Variants in ASCC3 observed in about 807,000 individuals in gnomAD.
The protein encoded by ASCC3 is activating signal cointegrator 1 complex subunit 3, also known as ASC-1 complex subunit P200.
Under a neutral mutation model 256.3 loss-of-function variants are expected in ASCC3, and 158 were observed. The ratio of observed to expected loss-of-function variants is 0.62; its 90% confidence interval spans 0.54 to 0.70. ASCC3 has a LOEUF of 0.70. ASCC3 is among the 30% of genes least tolerant of loss of function. ASCC3 has a pLI of 0.00. For missense variants in ASCC3, 2,259 were observed against 2,626.0 expected (o/e 0.86, Z 3.05); for synonymous variants, 948 against 883.4 (o/e 1.07, Z -1.30).
intron 4 of ASCC3, among the ~76,000 whole-genome samples, chr6:100,845,198 T>G (rs1772329720): frequency 6.6e-6 from 1 of 152,144 alleles, no homozygotes; most frequent in Non-Finnish European, 1.5e-5. Context: ...GGATCCACTG[T>G]CTACTCTGTA....
chr6:100,699,021 T>C (rs551101339), intron 13 of ASCC3, among the ~76,000 whole-genome samples: 51 of 152,262 alleles, frequency 3.3e-4, no homozygotes, highest in African/African-American at 9.4e-4. Context: ...TTGATCAACA[T>C]TGGACAACAT....
intron 8 of ASCC3, among the ~76,000 whole-genome samples, chr6:100,795,234 G>A (rs1769551130): frequency 6.6e-6 from 1 of 151,978 alleles, no homozygotes; most frequent in African/African-American, 2.4e-5. Flanking sequence ...TATAGTATGG[G>A]GAAACGGTCA....
At chr6:100,540,432 AATT>A (rs1347395610) in intron 36 of ASCC3, 45 bp from the exon 37 acceptor site, 2 of 1,467,524 alleles carry the variant, frequency 1.4e-6, no homozygotes. Flanking sequence ...AAAGTATAAT[AATT>A]AATGTACTTC....
chr6:100,614,501 G>C (rs1223769458), intron 30 of ASCC3, among the ~76,000 whole-genome samples: 4 of 152,108 alleles, frequency 2.6e-5, no homozygotes, highest in African/African-American at 9.7e-5. Context: ...ACATTCCTAT[G>C]AGGATGGGTT....
chr6:100,731,221 G>A (rs1028509601), intron 10 of ASCC3, among the ~76,000 whole-genome samples: 2 of 152,114 alleles, frequency 1.3e-5, no homozygotes, highest in Non-Finnish European at 2.9e-5. Flanking sequence ...AATTGAACAT[G>A]TAAAAAAATA....
chr6:100,629,805 T>C (rs1415192095), intron 26 of ASCC3, among the ~76,000 whole-genome samples: 2 of 152,144 alleles, frequency 1.3e-5, no homozygotes, highest in South Asian at 2.1e-4. Flanking sequence ...GAAAAACCTA[T>C]GTAGATCTAG....
intron 1 of ASCC3, among the ~76,000 whole-genome samples, chr6:100,872,075 A>G (rs988742136): frequency 6.6e-6 from 1 of 152,228 alleles, no homozygotes; most frequent in Non-Finnish European, 1.5e-5. Flanking sequence ...ATAGTAAACT[A>G]AACATACTCT....
In ASCC3 at chr6:100,842,683, AT is replaced by A. The variant is rs1210506987; in HGVS notation, c.801+5464del. 2.0e-5 allele frequency among the ~76,000 whole-genome samples: 3 copies of A among 152,212 alleles called. No homozygotes were observed. The East Asian group carries it at 5.8e-4, about 29-fold the overall frequency. On this transcript the variant is annotated intron_variant, in intron 4 of 41. Transcript: ENST00000369162. ...AGATTTAGTATTATTATTTTAAATG[AT>A]TTGGGGCTGGGTGCAGTGGCTCATG... is the stretch of plus-strand genomic sequence containing the variant.
chr6:100,726,987 T>A lies in ASCC3; in HGVS notation c.1738-1284A>T, dbSNP rs182007953. On this transcript the variant is annotated intron_variant, in intron 10 of 41. Coordinates refer to ENST00000369162, the MANE Select transcript of ASCC3 (RefSeq NM_006828.4). ...CCACGATTATGCCAAACATTTGGTG[T>A]ATTTAATTTTTAAATGCTCATTAAT... Among the ~76,000 whole-genome samples the A allele has an allele frequency of 1.5e-4, 23 of 152,248 alleles. No homozygotes were observed. In the East Asian group the frequency reaches 2.5e-3, roughly 17 times the overall value.
rs143177702 is a variant in ASCC3 at position 100,814,097 on chromosome 6, A to G, written c.802-8217T>C. On this transcript the variant is annotated intron_variant, in intron 4 of 41. Transcript: ENST00000369162. ...GGATTTGTCATAGATGGCTCTTACTATTTTGAGGTATGTTCCTTCAATACC... is the reference window on the plus strand; with the variant it reads ...GGATTTGTCATAGATGGCTCTTACTGTTTTGAGGTATGTTCCTTCAATACC... Among the ~76,000 whole-genome samples, 282 of 152,180 alleles carry G rather than the reference A, an allele frequency of 1.9e-3. 1 individual carries two copies. Among genetic ancestry groups the G allele is most frequent in the African/African-American group, 6.5e-3 (271 of 41,532 alleles).
intron 10 of ASCC3, among the ~76,000 whole-genome samples, chr6:100,732,004 T>A (rs576586763): frequency 6.6e-6 from 1 of 151,754 alleles, no homozygotes; most frequent in East Asian, 1.9e-4. Context: ...CTACTAAAAA[T>A]ACAAAAATTA....
rs1174478589 is a variant in ASCC3, at chr6:100,518,109, G to A, written c.5809C>T (p.Leu1937=). 1.1e-5 allele frequency: 18 copies of A among 1,613,488 alleles called. No individual in the cohort carries two copies. The highest frequency in any genetic ancestry group is 1.4e-5 in the Non-Finnish European group (17 of 1,179,696). The part of the protein sequence containing the change: ...MLDVAANQGW[L]VTVLNITNLI... ...TTGGTGATATTCAGGACAGTCACCAGCCAGCCCTGGTTTGCAGCCACGTCC... is the reference window on the plus strand; with the variant it reads ...TTGGTGATATTCAGGACAGTCACCAACCAGCCCTGGTTTGCAGCCACGTCC... The change falls in exon 38 of 42, where the codon CTG becomes TTG. Residue 1937 remains leucine, a synonymous_variant. Coordinates refer to ENST00000369162, the MANE Select transcript of ASCC3 (RefSeq NM_006828.4).
At chr6:100,710,638 T>A (rs1778813848) in intron 13 of ASCC3, among the ~76,000 whole-genome samples, 1 of 152,088 alleles carries the variant, frequency 6.6e-6, no homozygotes, top group Non-Finnish European at 1.5e-5. Context: ...GGCATCTTAG[T>A]CCCTACTACA....
At chr6:100,557,921 C>A (rs1769700324) in intron 36 of ASCC3, among the ~76,000 whole-genome samples, 1 of 151,592 alleles carries the variant, frequency 6.6e-6, no homozygotes, top group African/African-American at 2.4e-5. Context: ...GTGTCTCTTG[C>A]TGATAGTGTA....
chr6:100,540,160 T>C lies in ASCC3; in HGVS notation c.5775+3A>G. On this transcript the variant is annotated splice_donor_region_variant and intron_variant, in intron 37 of 41. Coordinates refer to ENST00000369162, the MANE Select transcript of ASCC3 (RefSeq NM_006828.4). ...ACATAGGTATTAGAAATGACTTTCA[T>C]ACCTGACATACTCTGAGAGCTTGGT... is the stretch of plus-strand genomic sequence containing the variant. 6.2e-7 allele frequency: 1 copy of C among 1,609,898 alleles called. No homozygotes were observed. The highest frequency in any genetic ancestry group is 8.5e-7 in the Non-Finnish European group (1 of 1,176,178).
At chr6:100,608,449 T>A (rs1306515680) in intron 30 of ASCC3, among the ~76,000 whole-genome samples, 1 of 36,062 alleles carries the variant, frequency 2.8e-5, no homozygotes, top group African/African-American at 1.3e-4. Flanking sequence ...TATATATATT[T>A]TATATATATA....
At chr6:100,535,914 C>T (rs1178148826) in intron 37 of ASCC3, among the ~76,000 whole-genome samples, 1 of 152,130 alleles carries the variant, frequency 6.6e-6, no homozygotes, top group East Asian at 1.9e-4. Context: ...ACAGATAACT[C>T]ACTAAATAAA....
intron 10 of ASCC3, among the ~76,000 whole-genome samples, chr6:100,756,769 G>C (rs577351011): frequency 2.0e-5 from 3 of 152,134 alleles, no homozygotes; most frequent in African/African-American, 7.2e-5. Flanking sequence ...CTATTAGTAA[G>C]AATACTTAGC....
At position 100,755,729 on chromosome 6, in the gene ASCC3, C is replaced by T. The variant is rs183725201; in HGVS notation, c.1737+10836G>A. 4.8e-3 allele frequency among the ~76,000 whole-genome samples: 733 copies of T among 152,132 alleles called. 9 individuals carry two copies. Among genetic ancestry groups the T allele is most frequent in the African/African-American group, 0.017 (710 of 41,494 alleles). ...AATATTTCTATTATTTTCATTTTCA[C>T]TCACAAAGTAAGAATACAGACAAAA... On this transcript the variant is annotated intron_variant, in intron 10 of 41. Coordinates refer to ENST00000369162, the MANE Select transcript of ASCC3 (RefSeq NM_006828.4).
Sources: allele counts gnomAD v4.1 joint callset (sites outside exome capture counted in the v4.1 genomes callset), GRCh38; gene constraint gnomAD v4.1.1; transcripts MANE v1.5; gene names NCBI Gene and HGNC (gene_info 2026-07-23, HGNC 2026-07-21).